The following DAB1 variants were observed in gnomAD, a reference collection of about 807,000 sequenced individuals.
DAB1 encodes the protein disabled homolog 1.
Under a neutral mutation model 64.6 loss-of-function variants are expected in DAB1, and 15 were observed. The observed-to-expected ratio is 0.23, with a 90% CI of 0.16 to 0.36. The LOEUF is 0.36. Among genes scored for constraint, DAB1 ranks in the 10% least tolerant of loss-of-function variants. DAB1 has a pLI of 1.00. For missense variants in DAB1, 596 were observed against 706.7 expected (o/e 0.84, Z 1.78); for synonymous variants, 235 against 251.9 (o/e 0.93, Z 0.64).
chr1:58,287,189 G>GA (rs1357848931), intron 4 of DAB1, among the ~76,000 whole-genome samples: 1 of 152,080 alleles, frequency 6.6e-6, no homozygotes, highest in Non-Finnish European at 1.5e-5. Context: ...AGAGCATCAG[G>GA]AAAAATAGCT....
chr1:57,356,863 A>G (rs1471733229), intron 1 of DAB1, among the ~76,000 whole-genome samples: 1 of 151,956 alleles, frequency 6.6e-6, no homozygotes, highest in Non-Finnish European at 1.5e-5. Context: ...AAGAGAAGAA[A>G]GCCACCACCG....
chr1:58,113,424 T>C (rs540166524), intron 5 of DAB1, among the ~76,000 whole-genome samples: 1 of 152,296 alleles, frequency 6.6e-6, no homozygotes, highest in South Asian at 2.1e-4. Context: ...TCATTTGCCA[T>C]TAGCAAACTT....
chr1:58,019,600 C>T (rs1313361939), intron 5 of DAB1, among the ~76,000 whole-genome samples: 1 of 152,128 alleles, frequency 6.6e-6, no homozygotes, highest in Non-Finnish European at 1.5e-5. Flanking sequence ...CATTGCTTTC[C>T]TCATTTTATA....
intron 4 of DAB1, among the ~76,000 whole-genome samples, chr1:57,100,171 C>T (rs755076863): frequency 5.3e-5 from 8 of 152,114 alleles, no homozygotes; most frequent in Admixed American, 2.0e-4. Context: ...GTTTCCCCAT[C>T]TGTAAAATGA....
At chr1:58,440,964 A>T (rs959347266) in intron 3 of DAB1, among the ~76,000 whole-genome samples, 1 of 152,216 alleles carries the variant, frequency 6.6e-6, no homozygotes, top group Non-Finnish European at 1.5e-5. Flanking sequence ...TCTTTCAGGG[A>T]AACTGTGAAA....
At position 58,057,010 on chromosome 1, in the gene DAB1, CTT is replaced by C. The variant is rs3834032; in HGVS notation, n.387+93499_387+93500del. Among the ~76,000 whole-genome samples the C allele has an allele frequency of 7.1e-3, 1,081 of 151,960 alleles. 28 individuals carry two copies. In the East Asian group the frequency reaches 0.08, roughly 11 times the overall value. The stretch of plus-strand genomic sequence containing the variant: ...TTAAACAATCCCTTTATTAAACCCT[CTT>C]TGAATTACTCTAATCCAGTGTACCT... On this transcript the variant is annotated intron_variant and non_coding_transcript_variant, in intron 5 of 20. Transcript: ENST00000485760.
intron 3 of DAB1, among the ~76,000 whole-genome samples, chr1:58,344,820 A>G (rs1352478564): frequency 1.3e-5 from 2 of 152,178 alleles, no homozygotes; most frequent in African/African-American, 2.4e-5. Flanking sequence ...TGCAAGGGTT[A>G]AATGAGGTGA....
chr1:58,343,997 A>C (rs1213651), intron 3 of DAB1, among the ~76,000 whole-genome samples: 21,585 of 152,170 alleles, frequency 0.14, 1,760 homozygotes, highest in African/African-American at 0.2. Context: ...GTGGGCACTC[A>C]ACAATGTCTC....
At chr1:57,271,449 G>T (rs1165106826) in intron 2 of DAB1, among the ~76,000 whole-genome samples, 2 of 152,186 alleles carry the variant, frequency 1.3e-5, no homozygotes, top group South Asian at 2.1e-4. Context: ...GCAATTATTT[G>T]TCTGTTTCCC....
At chr1:58,274,727 G>A (rs536546592) in intron 4 of DAB1, among the ~76,000 whole-genome samples, 2 of 152,164 alleles carry the variant, frequency 1.3e-5, no homozygotes, top group African/African-American at 4.8e-5. Flanking sequence ...TTTTTAAGCC[G>A]GTCTGAAAAG....
chr1:57,071,480 G>A (rs777596258), intron 6 of DAB1, 42 bp downstream of exon 6: 1 of 1,587,626 alleles, frequency 6.3e-7, no homozygotes, highest in South Asian at 1.2e-5. Context: ...GTGTTTATTT[G>A]AAGGCCCGAT....
intron 2 of DAB1, among the ~76,000 whole-genome samples, chr1:57,157,265 A>C (rs1033338066): frequency 2.0e-5 from 3 of 152,150 alleles, no homozygotes; most frequent in Admixed American, 6.6e-5. Flanking sequence ...TGACAGTTAC[A>C]ATATTTCCCT....
Position 57,871,036 on chromosome 1 carries a change from G to T in DAB1, n.87+12963C>A, listed in dbSNP as rs573681421. Among the ~76,000 whole-genome samples the T allele has an allele frequency of 3.3e-5, 5 of 152,238 alleles. No individual in the cohort carries two copies. The East Asian group carries it at 9.7e-4, about 29-fold the overall frequency. ...AATAGCTTTAACAGATAATCATAAA[G>T]CACCTAAAAGTGCCAGCCATGGGCT... On this transcript the variant is annotated intron_variant and non_coding_transcript_variant, in intron 1 of 1. Transcript: ENST00000477280.
intron 5 of DAB1, among the ~76,000 whole-genome samples, chr1:57,903,134 G>T (rs1439406048): frequency 6.6e-6 from 1 of 152,092 alleles, no homozygotes; most frequent in Non-Finnish European, 1.5e-5. Flanking sequence ...CCACCCCCAT[G>T]ATTCAATTAC....
chr1:57,580,439 T>C lies in DAB1; in HGVS notation n.625+69153A>G, dbSNP rs895433271. Among the ~76,000 whole-genome samples, 51 of 152,118 alleles carry C rather than the reference T, an allele frequency of 3.4e-4. 1 individual carries two copies. The highest frequency in any genetic ancestry group is 1.8e-4 in the Non-Finnish European group (12 of 68,030). ...CCTGTCCTCCTGCAGCTTCTACTCC[T>C]TGGTCGTGGCTTCCTTTATTAGGGA... On this transcript the variant is annotated intron_variant and non_coding_transcript_variant, in intron 7 of 20. Coordinates refer to the DAB1 transcript ENST00000485760.
intron 5 of DAB1, among the ~76,000 whole-genome samples, chr1:58,020,701 G>GGCAGAAAAGAAT (rs1646802860): frequency 1.3e-5 from 2 of 152,112 alleles, no homozygotes; most frequent in South Asian, 2.1e-4. Context: ...GAATCAAGTA[G>GGCAGAAAAGAAT]CCTCTTAGGA....
At chr1:57,694,201 A>T (rs1012146876) in intron 6 of DAB1, among the ~76,000 whole-genome samples, 1 of 152,210 alleles carries the variant, frequency 6.6e-6, no homozygotes, top group Non-Finnish European at 1.5e-5. Flanking sequence ...TAAAATTACC[A>T]ATAATTCACT....
At chr1:58,509,489 G>T in intron 2 of DAB1, among the ~76,000 whole-genome samples, 1 of 147,944 alleles carries the variant, frequency 6.8e-6, no homozygotes, top group Admixed American at 6.8e-5. Context: ...ATGGGATACA[G>T]CAAAGGCAGT....
chr1:57,556,481 G>A (rs1644989979), intron 7 of DAB1, among the ~76,000 whole-genome samples: 1 of 152,082 alleles, frequency 6.6e-6, no homozygotes, highest in South Asian at 2.1e-4. Flanking sequence ...TCTTGTAGGA[G>A]TAAGGTGGTA....
Sources: allele counts gnomAD v4.1 joint callset (sites outside exome capture counted in the v4.1 genomes callset), GRCh38; gene constraint gnomAD v4.1.1; transcripts MANE v1.5; gene names NCBI Gene and HGNC (gene_info 2026-07-23, HGNC 2026-07-21).